Variants in LINGO2 observed in about 807,000 individuals in gnomAD.
LINGO2 encodes the protein leucine-rich repeat and immunoglobulin-like domain-containing nogo receptor-interacting protein 2.
In LINGO2, 14 loss-of-function variants were observed where a neutral mutation model predicts 30.6. That is an observed-to-expected ratio of 0.46 (90% CI 0.30 to 0.72). LINGO2 has a LOEUF of 0.72. Among genes scored for constraint, LINGO2 ranks in the 30% least tolerant of loss-of-function variants. The probability of loss-of-function intolerance (pLI) is 0.07; values close to 1 mark genes in which losing one functional copy is unlikely to be tolerated. For missense variants in LINGO2, 729 were observed against 751.7 expected (o/e 0.97, Z 0.35); for synonymous variants, 317 against 288.5 (o/e 1.10, Z -1.00).
At chr9:28,351,405 A>G (rs1202414339) in intron 3 of LINGO2, among the ~76,000 whole-genome samples, 1 of 151,412 alleles carries the variant, frequency 6.6e-6, no homozygotes, top group African/African-American at 2.4e-5. Flanking sequence ...TCTAGAAGAA[A>G]TGGATAAATT....
chr9:28,862,905 C>T, the LINGO2 span, among the ~76,000 whole-genome samples: 1 of 152,072 alleles, frequency 6.6e-6, no homozygotes, highest in African/African-American at 2.4e-5. Flanking sequence ...ATCCTGATGA[C>T]AGAAATGACC....
intron 3 of LINGO2, among the ~76,000 whole-genome samples, chr9:28,325,383 A>G (rs1050812045): frequency 4.1e-4 from 62 of 152,240 alleles, no homozygotes; most frequent in African/African-American, 1.5e-3. Flanking sequence ...TAGTCTCTGT[A>G]GAACAGCTGG....
At chr9:28,108,411 C>T (rs916350473) in intron 4 of LINGO2, among the ~76,000 whole-genome samples, 6 of 152,118 alleles carry the variant, frequency 3.9e-5, no homozygotes, top group African/African-American at 1.4e-4. Flanking sequence ...TGGTACTCTT[C>T]CATGTAAGGA....
At chr9:28,847,820 C>CT in the LINGO2 span, among the ~76,000 whole-genome samples, 870 of 36,578 alleles carry the variant, frequency 0.024, 66 homozygotes, top group African/African-American at 0.069. Flanking sequence ...TGTATATATA[C>CT]ATATATATGT....
chr9:28,318,792 T>G (rs896320814), intron 3 of LINGO2, among the ~76,000 whole-genome samples: 6 of 152,192 alleles, frequency 3.9e-5, no homozygotes, highest in African/African-American at 1.4e-4. Context: ...CTAAAAATTG[T>G]GATAACAATA....
intron 4 of LINGO2, among the ~76,000 whole-genome samples, chr9:28,049,209 C>CCCA (rs1371543219): frequency 1.3e-5 from 2 of 150,756 alleles, no homozygotes; most frequent in Admixed American, 1.3e-4. Context: ...CTTGTACTCA[C>CCCA]CCAGCATGTG....
At chr9:29,005,581 T>C in the LINGO2 span, among the ~76,000 whole-genome samples, 1 of 152,156 alleles carries the variant, frequency 6.6e-6, no homozygotes, top group South Asian at 2.1e-4. Context: ...CATAAAAAGA[T>C]ATACATGCTA....
At position 28,441,251 on chromosome 9, in the gene LINGO2, C is replaced by CTT. The variant is rs72213590; in HGVS notation, c.-279+34687_-279+34688dup. Among the ~76,000 whole-genome samples the CTT allele has an allele frequency of 1.7e-3, 60 of 36,284 alleles. 18 individuals carry two copies. The highest frequency in any genetic ancestry group is 3.5e-3 in the African/African-American group (38 of 10,798). 23.8% of individuals were successfully genotyped at this position (36,284 alleles called of 152,430 possible). A position where few individuals can be genotyped will look rare whatever the true frequency, so the allele number is the denominator to read the frequency against. ...TATAGCAGTATAAATTCATTGGAGGCTTTTTTTTTTTTTTTTTTTTTTTTT... is the reference window on the plus strand; with the variant it reads ...TATAGCAGTATAAATTCATTGGAGGCTTTTTTTTTTTTTTTTTTTTTTTTTTT... On this transcript the variant is annotated intron_variant, in intron 2 of 5. Coordinates refer to ENST00000379992, the Ensembl canonical transcript of LINGO2.
the LINGO2 span, among the ~76,000 whole-genome samples, chr9:28,972,247 C>T: frequency 2.0e-5 from 3 of 152,174 alleles, no homozygotes; most frequent in Non-Finnish European, 2.9e-5. Context: ...CACAGATGAA[C>T]ATTCATAATC....
intron 4 of LINGO2, among the ~76,000 whole-genome samples, chr9:28,191,171 C>T (rs1819809963): frequency 1.3e-5 from 2 of 152,158 alleles, no homozygotes; most frequent in South Asian, 2.1e-4. Context: ...TGGCTCTAGG[C>T]AGGCAAGCTG....
At chr9:28,236,261 C>T (rs1444366760) in intron 4 of LINGO2, among the ~76,000 whole-genome samples, 1 of 152,138 alleles carries the variant, frequency 6.6e-6, no homozygotes, top group African/African-American at 2.4e-5. Flanking sequence ...AGGATAAAGA[C>T]TGTCCCAGAC....
At chr9:28,702,354 A>G in the LINGO2 span, among the ~76,000 whole-genome samples, 8 of 151,832 alleles carry the variant, frequency 5.3e-5, no homozygotes, top group Non-Finnish European at 1.5e-5. Context: ...TTTCTGTTAA[A>G]TGATCTTCCT....
At chr9:28,168,730 G>A (rs1378643559) in intron 4 of LINGO2, among the ~76,000 whole-genome samples, 2 of 152,248 alleles carry the variant, frequency 1.3e-5, no homozygotes, top group Non-Finnish European at 2.9e-5. Context: ...GAGGCCTACA[G>A]ATTTGTGGAA....
At chr9:28,549,769 A>G (rs1214267130) in intron 1 of LINGO2, among the ~76,000 whole-genome samples, 1 of 151,840 alleles carries the variant, frequency 6.6e-6, no homozygotes, top group Non-Finnish European at 1.5e-5. Flanking sequence ...TTTACATATA[A>G]CAGATAAATT....
chr9:28,710,904 A>G, the LINGO2 span, among the ~76,000 whole-genome samples: 2 of 152,266 alleles, frequency 1.3e-5, no homozygotes, highest in East Asian at 3.9e-4. Context: ...TGTAATTGAC[A>G]TGTAACAAAT....
the LINGO2 span, among the ~76,000 whole-genome samples, chr9:28,786,700 T>A: frequency 2.6e-5 from 4 of 152,124 alleles, no homozygotes; most frequent in African/African-American, 4.8e-5. Context: ...CTCACTCACA[T>A]TGTCAGGATC....
the LINGO2 span, among the ~76,000 whole-genome samples, chr9:28,970,298 A>C: frequency 6.6e-6 from 1 of 152,178 alleles, no homozygotes; most frequent in African/African-American, 2.4e-5. Context: ...TTTCATTTGC[A>C]TTTCAAAACC....
chr9:28,771,825 T>C, the LINGO2 span, among the ~76,000 whole-genome samples: 1 of 152,132 alleles, frequency 6.6e-6, no homozygotes, highest in Non-Finnish European at 1.5e-5. Context: ...GAAATCTCCC[T>C]AGAATATGTC....
At chr9:29,056,354 G>A in the LINGO2 span, among the ~76,000 whole-genome samples, 2 of 152,036 alleles carry the variant, frequency 1.3e-5, no homozygotes, top group Non-Finnish European at 2.9e-5. Context: ...TAATCATGTT[G>A]AGCATTTTTT....
Sources: gnomAD v4.1 joint callset for allele counts (sites outside exome capture counted in the v4.1 genomes callset) on GRCh38, gnomAD v4.1.1 for gene constraint, MANE v1.5 for transcripts, NCBI Gene and HGNC (gene_info 2026-07-23, HGNC 2026-07-21) for gene names.